The following GPHN variants were observed in gnomAD, a reference collection of about 807,000 sequenced individuals.
GPHN encodes the protein gephyrin.
A neutral mutation model predicts 95.5 loss-of-function variants in GPHN; 17 were observed. The observed-to-expected ratio is 0.18, with a 90% CI of 0.12 to 0.27. The LOEUF (loss-of-function observed/expected upper bound fraction) is 0.27. Ranked by LOEUF, GPHN falls within the 10% of genes least tolerant of loss-of-function variation. The probability of loss-of-function intolerance (pLI) is 1.00; values close to 1 mark genes in which losing one functional copy is unlikely to be tolerated. For synonymous variants in GPHN, 320 were observed against 322.5 expected (o/e 0.99, Z 0.08); for missense variants, 660 against 978.1 (o/e 0.67, Z 4.34).
the GPHN span, among the ~76,000 whole-genome samples, chr14:67,344,964 G>A: frequency 2.0e-5 from 3 of 152,024 alleles, no homozygotes; most frequent in African/African-American, 7.2e-5. Context: ...AGCAGGGGCC[G>A]GGTGTGGTGG....
At chr14:67,404,699 A>G in the GPHN span, among the ~76,000 whole-genome samples, 1 of 151,896 alleles carries the variant, frequency 6.6e-6, no homozygotes, top group Non-Finnish European at 1.5e-5. Flanking sequence ...GGTCCCAGCC[A>G]CTCAGGAGGC....
At chr14:67,685,188 C>T in the GPHN span, 6 of 1,612,288 alleles carry the variant, frequency 3.7e-6, no homozygotes, top group South Asian at 1.1e-5. Flanking sequence ...GTACAGAATA[C>T]GTCGTAACGC....
chr14:66,831,455 C>T (rs1203986786), intron 4 of GPHN, among the ~76,000 whole-genome samples: 3 of 152,156 alleles, frequency 2.0e-5, no homozygotes, highest in African/African-American at 7.2e-5. Flanking sequence ...CATCCCTCTA[C>T]AGTCAGATTT....
chr14:67,662,977 C>T, the GPHN span: 1 of 1,369,752 alleles, frequency 7.3e-7, no homozygotes, highest in Non-Finnish European at 9.4e-7. Context: ...CAGTGAACCA[C>T]TTCTATGTTA....
the GPHN span, among the ~76,000 whole-genome samples, chr14:67,247,313 C>T: frequency 5.5e-4 from 84 of 152,130 alleles, no homozygotes; most frequent in African/African-American, 1.8e-3. Context: ...AATCAGATTC[C>T]AGTTGATCAC....
At chr14:67,699,060 GC>G in the GPHN span, among the ~76,000 whole-genome samples, 1 of 152,100 alleles carries the variant, frequency 6.6e-6, no homozygotes, top group South Asian at 2.1e-4. Flanking sequence ...AGACCAGCCT[GC>G]CCAACATGAT....
intron 2 of GPHN, among the ~76,000 whole-genome samples, chr14:66,745,086 C>T (rs1327119770): frequency 6.6e-6 from 1 of 152,102 alleles, no homozygotes; most frequent in Non-Finnish European, 1.5e-5. Flanking sequence ...ATGAATACTA[C>T]ATTAAGTTCA....
the GPHN span, among the ~76,000 whole-genome samples, chr14:67,498,584 GC>G: frequency 1.8e-4 from 28 of 152,344 alleles, no homozygotes; most frequent in South Asian, 6.2e-4. Flanking sequence ...AAACTGCAAT[GC>G]CAAGAAAGAC....
intron 1 of GPHN, among the ~76,000 whole-genome samples, chr14:66,633,872 A>T (rs1236677637): frequency 2.0e-5 from 3 of 151,988 alleles, no homozygotes; most frequent in Admixed American, 2.0e-4. Flanking sequence ...TGAGACTGTC[A>T]AACTACTAAA....
At chr14:66,591,743 T>A (rs536078397) in intron 1 of GPHN, among the ~76,000 whole-genome samples, 1 of 152,212 alleles carries the variant, frequency 6.6e-6, no homozygotes, top group Non-Finnish European at 1.5e-5. Context: ...AAGTAATTTA[T>A]AGATTAAGTG....
At chr14:67,069,856 G>A (rs373813888) in intron 11 of GPHN, among the ~76,000 whole-genome samples, 1 of 151,978 alleles carries the variant, frequency 6.6e-6, no homozygotes, top group South Asian at 2.1e-4. Flanking sequence ...TTTTATTTTT[G>A]CTCTTCTCTG....
intron 11 of GPHN, among the ~76,000 whole-genome samples, chr14:67,062,217 G>C (rs1248431243): frequency 6.6e-6 from 1 of 152,158 alleles, no homozygotes; most frequent in African/African-American, 2.4e-5. Context: ...AAGTGTATTT[G>C]CGTTTTAATG....
chr14:66,875,590 A>C (rs546588311), intron 4 of GPHN, among the ~76,000 whole-genome samples: 2 of 152,206 alleles, frequency 1.3e-5, no homozygotes, highest in Non-Finnish European at 2.9e-5. Context: ...AAGCAAAAAA[A>C]AGCAGGGGTT....
the GPHN span, among the ~76,000 whole-genome samples, chr14:67,611,809 A>C: frequency 6.6e-6 from 1 of 152,326 alleles, no homozygotes; most frequent in East Asian, 1.9e-4. Context: ...ACTTAAGTGC[A>C]TTACATTTAT....
At chr14:67,672,354 A>C in the GPHN span, among the ~76,000 whole-genome samples, 21 of 151,842 alleles carry the variant, frequency 1.4e-4, no homozygotes, top group Non-Finnish European at 2.5e-4. Flanking sequence ...CGTTCAACAC[A>C]GCAATACTCC....
intron 4 of GPHN, among the ~76,000 whole-genome samples, chr14:66,839,779 T>G (rs2062000551): frequency 6.8e-6 from 1 of 148,146 alleles, no homozygotes; most frequent in African/African-American, 2.6e-5. Flanking sequence ...AGAAGTTTAG[T>G]TAATTGTGTG....
the GPHN span, among the ~76,000 whole-genome samples, chr14:67,710,060 C>T: frequency 6.6e-6 from 1 of 152,198 alleles, no homozygotes; most frequent in Non-Finnish European, 1.5e-5. Context: ...CACTTAGAGT[C>T]TTCCTGCCTT....
At chr14:67,010,572 A>G (rs924686129) in intron 9 of GPHN, among the ~76,000 whole-genome samples, 2 of 151,574 alleles carry the variant, frequency 1.3e-5, no homozygotes, top group African/African-American at 4.8e-5. Flanking sequence ...AAAAAAAAGA[A>G]AGAAAAAAAA....
chr14:66,947,770 C>T (rs2067851795), intron 8 of GPHN, among the ~76,000 whole-genome samples: 1 of 152,114 alleles, frequency 6.6e-6, no homozygotes, highest in Non-Finnish European at 1.5e-5. Flanking sequence ...CCAGCCTGGG[C>T]AACATAGTGA....
Sources: gnomAD v4.1 joint callset for allele counts (sites outside exome capture counted in the v4.1 genomes callset) on GRCh38, gnomAD v4.1.1 for gene constraint, MANE v1.5 for transcripts, NCBI Gene and HGNC (gene_info 2026-07-23, HGNC 2026-07-21) for gene names.